The following CSMD3 variants were observed in gnomAD, a reference collection of about 807,000 sequenced individuals.
CSMD3 encodes CUB and sushi domain-containing protein 3.
CSMD3 carries 177 observed loss-of-function variants against 435.2 expected under a neutral mutation model. That is an observed-to-expected ratio of 0.41 (90% confidence interval 0.36 to 0.46). The LOEUF (loss-of-function observed/expected upper bound fraction) is 0.46. Among genes scored for constraint, CSMD3 ranks in the 20% least tolerant of loss-of-function variants. CSMD3 has a pLI of 0.34. For synonymous variants in CSMD3, 1,656 were observed against 1,520.5 expected (o/e 1.09, Z -2.07); for missense variants, 4,265 against 4,504.6 (o/e 0.95, Z 1.52).
At chr8:112,535,138 C>G (rs1238117896) in intron 27 of CSMD3, among the ~76,000 whole-genome samples, 3 of 151,914 alleles carry the variant, frequency 2.0e-5, no homozygotes, top group Admixed American at 6.6e-5. Context: ...TCTCACCACT[C>G]CTATTCAACA....
chr8:112,303,210 C>T (rs1282674139), intron 52 of CSMD3, among the ~76,000 whole-genome samples: 1 of 152,046 alleles, frequency 6.6e-6, no homozygotes, highest in Non-Finnish European at 1.5e-5. Flanking sequence ...AACAAGGAGT[C>T]TGCAGTCAGA....
chr8:112,972,963 AAAGGAAC>A (rs1190154154), intron 7 of CSMD3, among the ~76,000 whole-genome samples: 1 of 152,004 alleles, frequency 6.6e-6, no homozygotes, highest in Non-Finnish European at 1.5e-5. Flanking sequence ...TATGTGGTTA[AAAGGAAC>A]AAGGATTAGC....
At chr8:113,130,733 G>C (rs1467028524) in intron 4 of CSMD3, among the ~76,000 whole-genome samples, 1 of 152,138 alleles carries the variant, frequency 6.6e-6, no homozygotes, top group African/African-American at 2.4e-5. Flanking sequence ...GAACAGTTTG[G>C]AGGGCTCAGA....
intron 31 of CSMD3, among the ~76,000 whole-genome samples, chr8:112,479,394 A>T (rs924477794): frequency 1.3e-5 from 2 of 152,250 alleles, no homozygotes; most frequent in Non-Finnish European, 2.9e-5. Context: ...TGGAGCAATC[A>T]CTTGCTAGAG....
intron 6 of CSMD3, among the ~76,000 whole-genome samples, chr8:112,979,028 T>C (rs922859861): frequency 2.0e-4 from 31 of 152,088 alleles, no homozygotes; most frequent in Non-Finnish European, 3.8e-4. Context: ...TGAAGAGCAA[T>C]TTCAAAGCAG....
At chr8:112,597,100 C>T (rs1248488272) in intron 22 of CSMD3, among the ~76,000 whole-genome samples, 1 of 151,752 alleles carries the variant, frequency 6.6e-6, no homozygotes, top group African/African-American at 2.4e-5. Flanking sequence ...AAAGGATCAA[C>T]AAAATTGATA....
chr8:112,446,420 C>T (rs746541872), intron 32 of CSMD3, among the ~76,000 whole-genome samples: 28 of 152,318 alleles, frequency 1.8e-4, no homozygotes, highest in Admixed American at 8.5e-4. Flanking sequence ...AACTTAAATG[C>T]ACATAAGAAT....
intron 1 of CSMD3, among the ~76,000 whole-genome samples, chr8:113,338,921 T>A (rs1352306023): frequency 6.6e-6 from 1 of 151,928 alleles, no homozygotes; most frequent in Non-Finnish European, 1.5e-5. Context: ...TTAATTAAGG[T>A]TTTCTTGTCC....
At chr8:112,306,351 T>A (rs1821419603) in intron 50 of CSMD3, among the ~76,000 whole-genome samples, 159 bp from the exon 51 acceptor site, 1 of 152,186 alleles carries the variant, frequency 6.6e-6, no homozygotes, top group Admixed American at 6.5e-5. Context: ...GAACCATAAA[T>A]TTTGAATAAT....
chr8:112,505,723 A>G (rs1822431184), intron 29 of CSMD3, among the ~76,000 whole-genome samples: 1 of 152,024 alleles, frequency 6.6e-6, no homozygotes, highest in Non-Finnish European at 1.5e-5. Context: ...TGCTAATATT[A>G]CCTTATGTTT....
intron 22 of CSMD3, among the ~76,000 whole-genome samples, chr8:112,636,480 G>A (rs1332309617): frequency 7.1e-5 from 8 of 112,088 alleles, no homozygotes; most frequent in South Asian, 2.8e-4. Flanking sequence ...ATTTCTATCT[G>A]TCTATCTGTC....
At chr8:113,062,499 T>C (rs2088658866) in intron 5 of CSMD3, among the ~76,000 whole-genome samples, 1 of 151,910 alleles carries the variant, frequency 6.6e-6, no homozygotes, top group East Asian at 1.9e-4. Context: ...GTCTGATTAT[T>C]TCCACAACTG....
At chr8:112,760,041 T>C (rs2077799415) in intron 13 of CSMD3, among the ~76,000 whole-genome samples, 1 of 152,098 alleles carries the variant, frequency 6.6e-6, no homozygotes, top group Non-Finnish European at 1.5e-5. Flanking sequence ...ATCCAAATAA[T>C]AAACCAGGCC....
chr8:113,338,267 A>G (rs1284542538), intron 1 of CSMD3, among the ~76,000 whole-genome samples: 1 of 151,950 alleles, frequency 6.6e-6, no homozygotes, highest in Non-Finnish European at 1.5e-5. Flanking sequence ...TGTCAAAGAT[A>G]TGATAGAATG....
intron 5 of CSMD3, among the ~76,000 whole-genome samples, chr8:113,068,826 A>G (rs2088974614): frequency 6.6e-6 from 1 of 151,156 alleles, no homozygotes; most frequent in Non-Finnish European, 1.5e-5. Context: ...TTCACTGTTG[A>G]TGTTCTTGCT....
intron 5 of CSMD3, among the ~76,000 whole-genome samples, chr8:113,039,937 T>A (rs1382572331): frequency 6.6e-6 from 1 of 151,982 alleles, no homozygotes; most frequent in Non-Finnish European, 1.5e-5. Context: ...CTTCTAGGAG[T>A]CAAAACAACA....
At chr8:113,369,982 A>C (rs2094337038) in intron 1 of CSMD3, among the ~76,000 whole-genome samples, 1 of 151,852 alleles carries the variant, frequency 6.6e-6, no homozygotes, top group Non-Finnish European at 1.5e-5. Flanking sequence ...ACTTCAAGAG[A>C]TCTATTGTAT....
At chr8:113,007,396 G>C (rs1316676424) in intron 6 of CSMD3, among the ~76,000 whole-genome samples, 1 of 151,884 alleles carries the variant, frequency 6.6e-6, no homozygotes, top group African/African-American at 2.4e-5. Context: ...AATATAATTA[G>C]TGTGTTTCTA....
chr8:112,417,011 TA>T (rs1811988310), intron 32 of CSMD3, among the ~76,000 whole-genome samples: 1 of 152,180 alleles, frequency 6.6e-6, no homozygotes, highest in African/African-American at 2.4e-5. Flanking sequence ...GCAACTCTAG[TA>T]GTCAGAAGGA....
Sources: allele counts gnomAD v4.1 joint callset (sites outside exome capture counted in the v4.1 genomes callset), GRCh38; gene constraint gnomAD v4.1.1; transcripts MANE v1.5; gene names NCBI Gene and HGNC (gene_info 2026-07-23, HGNC 2026-07-21).